ADIPOR2: variants seen among roughly 807,000 people sequenced by gnomAD.
The protein encoded by ADIPOR2 is adiponectin receptor 2.
In ADIPOR2, 18 loss-of-function variants were observed where a neutral mutation model predicts 40.9. The observed-to-expected ratio is 0.44, with a 90% CI of 0.30 to 0.65. ADIPOR2 has a LOEUF of 0.65. Ranked by LOEUF, ADIPOR2 falls within the 30% of genes least tolerant of loss-of-function variation. The pLI is 0.09. For synonymous variants in ADIPOR2, 165 were observed against 166.4 expected (o/e 0.99, Z 0.06); for missense variants, 283 against 479.2 (o/e 0.59, Z 3.82).
chr12:1,714,904 C>T lies in ADIPOR2; in HGVS notation c.-87+23713C>T, dbSNP rs1048617340. 1.8e-3 allele frequency among the ~76,000 whole-genome samples: 277 copies of T among 152,198 alleles called. 1 individual carries two copies. Among genetic ancestry groups the T allele is most frequent in the African/African-American group, 6.3e-3 (263 of 41,446 alleles). ...ACATCTATATACCTATCAGGATCAT[C>T]TGAAAACTTCCCCAGGTCTACTGTC... On this transcript the variant is annotated intron_variant, in intron 1 of 7. Coordinates refer to ENST00000357103, the MANE Select transcript of ADIPOR2 (RefSeq NM_024551.3).
rs1038318234 is a variant in ADIPOR2, at chr12:1,734,852, C to G, written c.-86-19406C>G. On this transcript the variant is annotated intron_variant, in intron 1 of 7. Coordinates refer to ENST00000357103, the MANE Select transcript of ADIPOR2 (RefSeq NM_024551.3). ...CCAGTTTTCCCAGCACCATTTATTACATAGGGAATCCTTTCCCCATTTCTT... is the reference window on the plus strand; with the variant it reads ...CCAGTTTTCCCAGCACCATTTATTAGATAGGGAATCCTTTCCCCATTTCTT... Among the ~76,000 whole-genome samples, 25 of 152,268 alleles carry G rather than the reference C, an allele frequency of 1.6e-4. No individual in the cohort carries two copies. The South Asian group carries it at 2.1e-3, about 13-fold the overall frequency.
At chr12:1,777,382 CTTT>C (rs59141974) in intron 3 of ADIPOR2, among the ~76,000 whole-genome samples, 5 of 98,742 alleles carry the variant, frequency 5.1e-5, no homozygotes, top group Admixed American at 1.1e-4. Context: ...TTTTTTCTTT[CTTT>C]TTTTTTTTTT....
chr12:1,744,166 G>T (rs2094749771), intron 1 of ADIPOR2, among the ~76,000 whole-genome samples: 1 of 151,698 alleles, frequency 6.6e-6, no homozygotes, highest in Non-Finnish European at 1.5e-5. Context: ...GAGTGCAGTG[G>T]TACGATCTTA....
At chr12:1,693,242 G>C (rs1309879634) in intron 1 of ADIPOR2, among the ~76,000 whole-genome samples, 1 of 152,008 alleles carries the variant, frequency 6.6e-6, no homozygotes, top group African/African-American at 2.4e-5. Context: ...TTGGGGTACA[G>C]CAGCAGAGTT....
intron 1 of ADIPOR2, among the ~76,000 whole-genome samples, chr12:1,753,417 T>G (rs1027592634): frequency 1.3e-5 from 2 of 152,378 alleles, no homozygotes; most frequent in Non-Finnish European, 2.9e-5. Flanking sequence ...GAAAATGTTC[T>G]TAGCACTCAA....
At chr12:1,704,055 A>ATTTTTTTTTTTTTTTTT (rs57190793) in intron 1 of ADIPOR2, among the ~76,000 whole-genome samples, 1 of 67,536 alleles carries the variant, frequency 1.5e-5, no homozygotes. Flanking sequence ...TCTACCTGGA[A>ATTTTTTTTTTTTTTTTT]TTTTTTTTTT....
intron 2 of ADIPOR2, among the ~76,000 whole-genome samples, chr12:1,755,099 G>T (rs1360729741): frequency 8.0e-6 from 1 of 124,628 alleles, no homozygotes; most frequent in Admixed American, 7.8e-5. Flanking sequence ...TTTAATTTCG[G>T]AGACGGAGTC....
chr12:1,699,476 A>C (rs1218309438), intron 1 of ADIPOR2, among the ~76,000 whole-genome samples: 1 of 152,156 alleles, frequency 6.6e-6, no homozygotes, highest in Admixed American at 6.6e-5. Context: ...AAAACAAAAC[A>C]AAACAAAAAA....
intron 1 of ADIPOR2, among the ~76,000 whole-genome samples, chr12:1,706,200 G>GT (rs35030397): frequency 0.82 from 124,208 of 152,114 alleles, 51,372 homozygotes; most frequent in East Asian, 0.9. Context: ...TATCCAGAAA[G>GT]TTTACCCTCA....
chr12:1,702,305 G>A (rs1014172351), intron 1 of ADIPOR2, among the ~76,000 whole-genome samples: 2 of 152,152 alleles, frequency 1.3e-5, no homozygotes, highest in Non-Finnish European at 2.9e-5. Context: ...GCCCTCTATG[G>A]TGAATTACCC....
chr12:1,698,808 G>A (rs1221586465), intron 1 of ADIPOR2, among the ~76,000 whole-genome samples: 1 of 151,960 alleles, frequency 6.6e-6, no homozygotes, highest in Non-Finnish European at 1.5e-5. Context: ...AAAGGTCACA[G>A]CAATGTAAAC....
chr12:1,782,612 A>T (rs1249660284), intron 6 of ADIPOR2, among the ~76,000 whole-genome samples: 2 of 152,210 alleles, frequency 1.3e-5, no homozygotes, highest in Non-Finnish European at 2.9e-5. Context: ...ACAAAATAGT[A>T]TTTAATCCTC....
intron 1 of ADIPOR2, among the ~76,000 whole-genome samples, chr12:1,699,559 G>A (rs996208915): frequency 4.6e-5 from 7 of 152,222 alleles, no homozygotes; most frequent in Non-Finnish European, 7.3e-5. Flanking sequence ...ACCGAGGCAG[G>A]ATAATCACTT....
chr12:1,770,134 C>T (rs1396149944), intron 2 of ADIPOR2, among the ~76,000 whole-genome samples: 1 of 152,076 alleles, frequency 6.6e-6, no homozygotes, highest in Non-Finnish European at 1.5e-5. Flanking sequence ...GTTGCCCAGG[C>T]TGGTCTCGAG....
At chr12:1,738,557 A>G (rs932198013) in intron 1 of ADIPOR2, among the ~76,000 whole-genome samples, 7 of 152,300 alleles carry the variant, frequency 4.6e-5, no homozygotes, top group African/African-American at 1.4e-4. Context: ...GCAGAATTCC[A>G]GAGCCTAAAA....
At chr12:1,727,239 T>A (rs1173124112) in intron 1 of ADIPOR2, among the ~76,000 whole-genome samples, 1 of 152,244 alleles carries the variant, frequency 6.6e-6, no homozygotes, top group Non-Finnish European at 1.5e-5. Context: ...GTGTACTGTA[T>A]TTCTGTTCTT....
At chr12:1,728,351 C>T (rs1460149482) in intron 1 of ADIPOR2, among the ~76,000 whole-genome samples, 1 of 151,536 alleles carries the variant, frequency 6.6e-6, no homozygotes, top group Non-Finnish European at 1.5e-5. Context: ...GACCTCAAAT[C>T]CGCCCACCTC....
intron 1 of ADIPOR2, among the ~76,000 whole-genome samples, chr12:1,736,545 A>G (rs562056182): frequency 6.6e-6 from 1 of 152,120 alleles, no homozygotes; most frequent in Admixed American, 6.5e-5. Flanking sequence ...AATTTTGTTG[A>G]TCTTTTCAGA....
chr12:1,786,265 G>T lies in ADIPOR2; in HGVS notation c.*193G>T. On this transcript the variant is annotated 3_prime_UTR_variant, in exon 8 of 8. Transcript: ENST00000357103. Reference sequence around the variant, plus strand: ...AACAAAAATAAATCATACCTCAAAGGATGGAGTGCATCAATTGGGAGAAAA... The same window carrying T: ...AACAAAAATAAATCATACCTCAAAGTATGGAGTGCATCAATTGGGAGAAAA... The T allele has an allele frequency of 3.2e-6, 2 of 621,644 alleles. No individual in the cohort carries two copies. Among genetic ancestry groups the T allele is most frequent in the Non-Finnish European group, 5.2e-6 (2 of 388,030 alleles). 38.5% of individuals were successfully genotyped at this position (621,644 alleles called of 1,614,324 possible). A position where few individuals can be genotyped will look rare whatever the true frequency, so the allele number is the denominator to read the frequency against.
Sources: gnomAD v4.1 joint callset for allele counts (sites outside exome capture counted in the v4.1 genomes callset) on GRCh38, gnomAD v4.1.1 for gene constraint, MANE v1.5 for transcripts, NCBI Gene and HGNC (gene_info 2026-07-23, HGNC 2026-07-21) for gene names.